The following NINL variants were observed in gnomAD, a reference collection of about 807,000 sequenced individuals.
NINL encodes ninein like.
In NINL, 153 loss-of-function variants were observed where a neutral mutation model predicts 160.3. That is an observed-to-expected ratio of 0.95 (90% CI 0.84 to 1.09). The LOEUF (loss-of-function observed/expected upper bound fraction) is 1.09, where lower values mean the gene tolerates loss of function less well. Among genes scored for constraint, NINL ranks in the 50% least tolerant of loss-of-function variants. The pLI is 0.00. For missense variants in NINL, 1,829 were observed against 1,764.0 expected, an observed-to-expected ratio of 1.04 and a Z score of -0.66; for synonymous variants, 800 against 734.8, an observed-to-expected ratio of 1.09 and a Z score of -1.43.
chr20:25,520,032 G>GTCTCC (rs2064235249), intron 2 of NINL, among the ~76,000 whole-genome samples: 1 of 78,182 alleles, frequency 1.3e-5, no homozygotes, highest in Non-Finnish European at 2.4e-5. Context: ...CAGAGAGTAT[G>GTCTCC]TATTGTGTAT....
At chr20:25,526,363 A>G in intron 2 of NINL, 45 bp downstream of exon 2, 1 of 1,550,386 alleles carries the variant, frequency 6.5e-7, no homozygotes, top group Non-Finnish European at 8.8e-7. Context: ...AGAGCCAACT[A>G]TAGACCCCGT....
At chr20:25,555,078 G>A (rs1253102006) in intron 1 of NINL, among the ~76,000 whole-genome samples, 1 of 152,106 alleles carries the variant, frequency 6.6e-6, no homozygotes, top group African/African-American at 2.4e-5. Flanking sequence ...AATACAAACA[G>A]CGTTTGGTTT....
intron 10 of NINL, among the ~76,000 whole-genome samples, chr20:25,491,895 C>A (rs1441895440): frequency 6.6e-6 from 1 of 152,218 alleles, no homozygotes; most frequent in East Asian, 1.9e-4. Context: ...ACATGAAAAT[C>A]ACCTCCCTCC....
chr20:25,555,984 T>TAAAA (rs143658285), intron 1 of NINL, among the ~76,000 whole-genome samples: 41 of 144,410 alleles, frequency 2.8e-4, no homozygotes, highest in African/African-American at 9.6e-4. Context: ...TTATTTTCAA[T>TAAAA]AAAAAAAAAA....
Position 25,476,468 on chromosome 20 carries a change from C to A in NINL, c.2823G>T (p.Leu941=). The A allele has an allele frequency of 6.2e-7, 1 of 1,606,964 alleles. No homozygotes were observed. Among genetic ancestry groups the A allele is most frequent in the Non-Finnish European group, 8.5e-7 (1 of 1,179,862 alleles). The change falls in exon 17 of 24, where the codon CTG becomes CTT. Residue 941 remains leucine (L), a synonymous_variant. Coordinates refer to ENST00000278886, the MANE Select transcript of NINL (RefSeq NM_025176.6). The part of the protein sequence containing the change: ...AGLEQPGARE[L]PLLGTERDAS... ...CGTCTCTCTCTGTTCCCAGCAGAGG[C>A]AGCTCCCGGGCTCCAGGCTGCTCCA...
chr20:25,509,891 G>A (rs2064036059), intron 5 of NINL, among the ~76,000 whole-genome samples: 1 of 152,204 alleles, frequency 6.6e-6, no homozygotes, highest in South Asian at 2.1e-4. Context: ...TCCCTTCCCA[G>A]AGCCTTTGTT....
chr20:25,507,799 G>A (rs553334743), intron 5 of NINL, among the ~76,000 whole-genome samples: 14 of 152,304 alleles, frequency 9.2e-5, no homozygotes, highest in South Asian at 2.1e-4. Flanking sequence ...GGTCCCTTCC[G>A]GCCTAAGATG....
chr20:25,491,637 T>G, intron 10 of NINL, 112 bp from the exon 11 acceptor site: 2 of 1,296,802 alleles, frequency 1.5e-6, no homozygotes, highest in South Asian at 1.5e-5. Flanking sequence ...CCTCAGCACG[T>G]GCAGGGCCGC....
rs748754072 is a variant in NINL at position 25,476,893 on chromosome 20, C to T, written c.2398G>A (p.Val800Ile). 26 of 1,613,202 alleles carry T rather than the reference C, an allele frequency of 1.6e-5. No individual in the cohort carries two copies. The highest frequency in any genetic ancestry group is 2.2e-5 in the East Asian group (1 of 44,882). Residue 800 changes from valine to isoleucine, a missense_variant, in exon 17 of 24, where the codon GTA becomes ATA. Physicochemically the swap from Val to Ile is conservative, Grantham distance 29. Transcript: ENST00000278886. ...CASEKRAQMC[V>I]SLALEEEELE... ...TCCTCCTCCTCGAGGGCCAACGATA[C>T]GCACATCTGGGCGCGCTTCTCGCTC...
At chr20:25,577,448 C>A (rs1208087954) in intron 1 of NINL, among the ~76,000 whole-genome samples, 3 of 152,220 alleles carry the variant, frequency 2.0e-5, no homozygotes, top group Non-Finnish European at 2.9e-5. Context: ...CACTTGAGTA[C>A]AGGACAGGCA....
rs754116743 is a variant in NINL at position 25,479,129 on chromosome 20, G to A, written c.1995C>T (p.Arg665=). 47 of 1,613,806 alleles carry A rather than the reference G, an allele frequency of 2.9e-5. No individual in the cohort carries two copies. The highest frequency in any genetic ancestry group is 3.3e-5 in the Non-Finnish European group (39 of 1,180,030). Residue 665 remains arginine, a synonymous_variant, in exon 16 of 24, where the codon CGC becomes CGT. Coordinates refer to ENST00000278886, the MANE Select transcript of NINL (RefSeq NM_025176.6). ...EKERKDMEQA[R]RREVSVLEGQ... ...CCTCCAGCACGCTGACCTCGCGCCT[G>A]CGAGCCTGCTCCATGTCCTTCCTCT...
chr20:25,454,352 G>C (rs2090613631), intron 23 of NINL, among the ~76,000 whole-genome samples: 1 of 152,214 alleles, frequency 6.6e-6, no homozygotes, highest in Non-Finnish European at 1.5e-5. Flanking sequence ...GAGGCCCTGG[G>C]CTGTGGCCTG....
At chr20:25,575,214 C>T (rs1484338626) in intron 1 of NINL, among the ~76,000 whole-genome samples, 10 of 151,396 alleles carry the variant, frequency 6.6e-5, no homozygotes, top group Admixed American at 3.3e-4. Context: ...TTTGGGAGGC[C>T]GAGGCGGGCG....
intron 14 of NINL, 103 bp downstream of exon 14, chr20:25,481,865 G>C (rs2063395236): frequency 6.7e-7 from 1 of 1,485,088 alleles, no homozygotes; most frequent in Non-Finnish European, 9.1e-7. Flanking sequence ...TCAGGTCACA[G>C]CAACATCATC....
chr20:25,509,686 T>G, intron 5 of NINL: 1 of 456,768 alleles, frequency 2.2e-6, no homozygotes, highest in East Asian at 6.9e-5. Context: ...GTGGGGCCCC[T>G]TTCTTCACTC....
At chr20:25,579,061 C>T (rs1474370026) in intron 1 of NINL, among the ~76,000 whole-genome samples, 1 of 152,128 alleles carries the variant, frequency 6.6e-6, no homozygotes, top group Admixed American at 6.5e-5. Flanking sequence ...GACAGGATCA[C>T]ATAAGTCACA....
intron 1 of NINL, among the ~76,000 whole-genome samples, chr20:25,560,268 C>T (rs1278910380): frequency 1.3e-5 from 2 of 152,118 alleles, no homozygotes; most frequent in Admixed American, 6.6e-5. Context: ...CTGTTTAATG[C>T]CTATATGTGT....
chr20:25,526,077 AGGTCCAACCCATGT>A (rs2064352958), intron 2 of NINL, among the ~76,000 whole-genome samples: 4 of 152,226 alleles, frequency 2.6e-5, no homozygotes, highest in Admixed American at 2.0e-4. Flanking sequence ...AGCTGCTCAC[AGGTCCAACCCATGT>A]GGTCTTTGTG....
chr20:25,475,229 A>G (rs926158846), intron 17 of NINL, among the ~76,000 whole-genome samples: 5 of 151,872 alleles, frequency 3.3e-5, no homozygotes, highest in African/African-American at 1.2e-4. Context: ...AGCCTGGGCC[A>G]CACAGCGAGA....
Sources: allele counts gnomAD v4.1 joint callset (sites outside exome capture counted in the v4.1 genomes callset), GRCh38; gene constraint gnomAD v4.1.1; transcripts MANE v1.5; gene names NCBI Gene and HGNC (gene_info 2026-07-23, HGNC 2026-07-21).